The following NOSTRIN variants were observed in gnomAD, a reference collection of about 807,000 sequenced individuals.
The protein encoded by NOSTRIN is BM247 homolog.
A neutral mutation model predicts 59.0 loss-of-function variants in NOSTRIN; 63 were observed. The ratio of observed to expected loss-of-function variants is 1.07; its 90% CI spans 0.87 to 1.32. NOSTRIN has a LOEUF of 1.32. NOSTRIN is among the 40% of genes most tolerant of loss of function. The probability of loss-of-function intolerance (pLI) is 0.00; values close to 1 mark genes in which losing one functional copy is unlikely to be tolerated. For missense variants in NOSTRIN, 512 were observed against 473.1 expected (o/e 1.08, Z -0.76); for synonymous variants, 200 against 165.4 (o/e 1.21, Z -1.61).
intron 5 of NOSTRIN, 57 bp downstream of exon 5, chr2:168,828,558 C>A: frequency 1.5e-6 from 1 of 678,746 alleles, no homozygotes; most frequent in Non-Finnish European, 2.5e-6. Flanking sequence ...TGTGTTTAGC[C>A]CAGAAAAGGA....
intron 8 of NOSTRIN, among the ~76,000 whole-genome samples, chr2:168,847,557 G>A (rs1688504943): frequency 6.6e-6 from 1 of 152,214 alleles, no homozygotes; most frequent in Non-Finnish European, 1.5e-5. Context: ...ACTTCTTCCT[G>A]TAGTACCAGC....
intron 1 of NOSTRIN, among the ~76,000 whole-genome samples, chr2:168,805,760 T>C (rs1315230180): frequency 1.3e-5 from 2 of 152,056 alleles, no homozygotes; most frequent in African/African-American, 4.8e-5. Context: ...GAGCTTCCCA[T>C]CTTGGTGGCT....
chr2:168,848,753 A>T (rs1045354277), intron 8 of NOSTRIN, among the ~76,000 whole-genome samples: 1 of 152,186 alleles, frequency 6.6e-6, no homozygotes, highest in Non-Finnish European at 1.5e-5. Flanking sequence ...GTAGAGACAG[A>T]AAGTAGAATG....
chr2:168,846,142 C>G (rs181713528), intron 8 of NOSTRIN, among the ~76,000 whole-genome samples: 1 of 152,142 alleles, frequency 6.6e-6, no homozygotes, highest in African/African-American at 2.4e-5. Context: ...AGGTCATTGA[C>G]TCACATATTA....
rs1689018180 is a variant in NOSTRIN, at chr2:168,855,395, C to G, written c.899C>G (p.Ser300Cys). The G allele has an allele frequency of 3.1e-6, 5 of 1,610,584 alleles. No individual in the cohort carries two copies. In the East Asian group the frequency reaches 1.1e-4, roughly 36 times the overall value. The change falls in exon 11 of 16, where the codon TCT (serine) becomes TGT (cysteine). Residue 300 changes from serine to cysteine, a missense_variant. Transcript: ENST00000317647. ...NSAMDKERRK[S>C]LLKPKLLRLQ... ...GCAATGGATAAAGAGAGACGAAAGT[C>G]TTTACTAAAACCAAAATTATTGAGA...
intron 2 of NOSTRIN, among the ~76,000 whole-genome samples, chr2:168,792,011 G>T (rs956433445): frequency 1.4e-4 from 21 of 151,980 alleles, no homozygotes; most frequent in Non-Finnish European, 1.5e-4. Flanking sequence ...GTCAATTTTG[G>T]CTTTTGTTGC....
intron 8 of NOSTRIN, among the ~76,000 whole-genome samples, chr2:168,848,426 C>G (rs1423938538): frequency 1.3e-5 from 2 of 152,158 alleles, no homozygotes; most frequent in Non-Finnish European, 2.9e-5. Context: ...GGGCGTGGCT[C>G]CAGGCTTCCA....
chr2:168,826,781 G>C (rs539139090), intron 3 of NOSTRIN, among the ~76,000 whole-genome samples: 1 of 152,264 alleles, frequency 6.6e-6, no homozygotes, highest in African/African-American at 2.4e-5. Flanking sequence ...CATATGATTT[G>C]ATCAGTTTTG....
chr2:168,819,757 G>T (rs994923760), intron 2 of NOSTRIN, among the ~76,000 whole-genome samples: 3 of 152,126 alleles, frequency 2.0e-5, no homozygotes, highest in East Asian at 3.9e-4. Context: ...AACCCTTCGG[G>T]GTCATCAATA....
At position 168,860,793 on chromosome 2, in the gene NOSTRIN, A is replaced by G. The variant is rs763149916; in HGVS notation, c.1180-2A>G. The G allele has an allele frequency of 2.6e-6, 4 of 1,563,360 alleles. No individual in the cohort carries two copies. Among genetic ancestry groups the G allele is most frequent in the Non-Finnish European group, 3.5e-6 (4 of 1,134,668 alleles). ...ATATGACTTTTTATGTCATTTGAACAGGAGCATACTCATAGCTATGTGAAA... is the reference window on the plus strand; with the variant it reads ...ATATGACTTTTTATGTCATTTGAACGGGAGCATACTCATAGCTATGTGAAA... On this transcript the variant is annotated splice_acceptor_variant, in intron 13 of 15. Coordinates refer to ENST00000317647, the MANE Select transcript of NOSTRIN (RefSeq NM_001039724.4). LOFTEE classifies it high-confidence loss of function.
intron 1 of NOSTRIN, among the ~76,000 whole-genome samples, chr2:168,808,824 G>A (rs1313927835): frequency 2.6e-5 from 4 of 151,998 alleles, no homozygotes; most frequent in Non-Finnish European, 5.9e-5. Context: ...GGATCCCAAC[G>A]GGGATTTAAA....
At chr2:168,857,859 AAAG>A (rs1689217267) in intron 12 of NOSTRIN, among the ~76,000 whole-genome samples, 1 of 152,034 alleles carries the variant, frequency 6.6e-6, no homozygotes, top group East Asian at 1.9e-4. Flanking sequence ...TTCTTTGGTG[AAAG>A]AAGACAGATG....
intron 10 of NOSTRIN, among the ~76,000 whole-genome samples, chr2:168,853,522 A>G (rs991233366): frequency 6.6e-6 from 1 of 152,214 alleles, no homozygotes; most frequent in African/African-American, 2.4e-5. Flanking sequence ...AATATACCCC[A>G]TCCTGAAATT....
upstream of NOSTRIN, chr2:168,802,531 G>A (rs1685647560): frequency 9.2e-6 from 7 of 759,878 alleles, no homozygotes; most frequent in East Asian, 1.3e-4. Context: ...GTTTGACAAG[G>A]ACTGACGTAC....
intron 1 of NOSTRIN, chr2:168,786,952 T>A (rs762557779): frequency 6.6e-6 from 1 of 151,974 alleles, no homozygotes; most frequent in Non-Finnish European, 1.5e-5. Flanking sequence ...TGGTCTCGAA[T>A]GCCTGACCTC....
chr2:168,823,767 A>G (rs903785093), intron 2 of NOSTRIN, among the ~76,000 whole-genome samples: 1 of 152,152 alleles, frequency 6.6e-6, no homozygotes, highest in Non-Finnish European at 1.5e-5. Context: ...ATGATGTAAA[A>G]GAAGCTTAGT....
chr2:168,798,379 C>T (rs997614127), upstream of NOSTRIN, among the ~76,000 whole-genome samples: 1 of 152,172 alleles, frequency 6.6e-6, no homozygotes, highest in Non-Finnish European at 1.5e-5. Context: ...TACATTTGGG[C>T]TCCTTTTTCT....
At chr2:168,863,439 A>G in intron 15 of NOSTRIN, 1 of 985,232 alleles carries the variant, frequency 1.0e-6, no homozygotes, top group Non-Finnish European at 1.2e-6. Context: ...AATGATGCCA[A>G]ATAAAAAGTA....
At chr2:168,801,996 G>A (rs1685628193), upstream of NOSTRIN, among the ~76,000 whole-genome samples, 1 of 152,128 alleles carries the variant, frequency 6.6e-6, no homozygotes, top group African/African-American at 2.4e-5. Context: ...TATAGTTATA[G>A]TTCTATAGGT....
Sources: allele counts gnomAD v4.1 joint callset (sites outside exome capture counted in the v4.1 genomes callset), GRCh38; gene constraint gnomAD v4.1.1; transcripts MANE v1.5; gene names NCBI Gene and HGNC (gene_info 2026-07-23, HGNC 2026-07-21).